LAMC3: variants seen among roughly 807,000 people sequenced by gnomAD.
The protein encoded by LAMC3 is laminin subunit gamma-3.
Under a neutral mutation model 173.8 loss-of-function variants are expected in LAMC3, and 128 were observed. The ratio of observed to expected loss-of-function variants is 0.74; its 90% CI spans 0.64 to 0.85. LAMC3 has a LOEUF of 0.85. LAMC3 is among the 40% of genes least tolerant of loss of function. The pLI is 0.00. For missense variants in LAMC3, 2,022 were observed against 2,156.0 expected, an observed-to-expected ratio of 0.94 and a Z score of 1.23; for synonymous variants, 897 against 909.1, an observed-to-expected ratio of 0.99 and a Z score of 0.24.
rs746046978 is a variant in LAMC3, at chr9:131,077,252, C to T, written c.3695C>T (p.Ala1232Val). Residue 1232 changes from alanine to valine, a missense_variant, in exon 22 of 28, where the codon GCG (alanine) becomes GTG (valine). Transcript: ENST00000361069. ...GCTGTGGCAGAGGTGCTGCCTGAAG[C>T]GGAAAGCGTGTTGGCCACCGTGCAG... ...RTAVAEVLPE[A>V]ESVLATVQQV... is the part of the protein sequence containing the mutation. The T allele has an allele frequency of 1.2e-5, 19 of 1,613,952 alleles. No individual in the cohort carries two copies. Among genetic ancestry groups the T allele is most frequent in the Admixed American group, 6.7e-5 (4 of 60,018 alleles).
At chr9:131,085,423 C>T (rs368839282) in intron 24 of LAMC3, 101 bp from the exon 25 acceptor site, 819 of 1,197,090 alleles carry the variant, frequency 6.8e-4, no homozygotes, top group Middle Eastern at 1.3e-3. Flanking sequence ...ACTCGTTGTC[C>T]AAGGGTCTGT....
intron 1 of LAMC3, among the ~76,000 whole-genome samples, chr9:131,011,653 G>A (rs1176427661): frequency 5.4e-5 from 7 of 130,656 alleles, no homozygotes; most frequent in Admixed American, 2.5e-4. Flanking sequence ...AGGGGGAGGG[G>A]ACAGGAAGCC....
At position 131,073,327 on chromosome 9, in the gene LAMC3, T is replaced by A. The variant is rs780336854; in HGVS notation, c.3494+6T>A. ...GCCCGTGCCCTCGCCAGGAGGTGAG[T>A]CCCAAGACATGGTGAGCTTACACCT... is the stretch of plus-strand genomic sequence containing the variant. On this transcript the variant is annotated splice_donor_region_variant and intron_variant, in intron 20 of 27. Coordinates refer to ENST00000361069, the MANE Select transcript of LAMC3 (RefSeq NM_006059.4). 5 of 1,611,044 alleles carry A rather than the reference T, an allele frequency of 3.1e-6. No individual in the cohort carries two copies. The Admixed American group carries it at 8.3e-5, about 27-fold the overall frequency.
intron 17 of LAMC3, 106 bp from the exon 18 acceptor site, chr9:131,071,378 A>C: frequency 7.4e-7 from 1 of 1,353,162 alleles, no homozygotes. Context: ...GAGGATTTGG[A>C]GAAGGGAACC....
chr9:131,035,855 A>G (rs1833933900), intron 3 of LAMC3, among the ~76,000 whole-genome samples: 1 of 152,160 alleles, frequency 6.6e-6, no homozygotes. Flanking sequence ...CCTCCCAGGC[A>G]GAAGCTTTCT....
intron 14 of LAMC3, 27 bp downstream of exon 14, chr9:131,067,232 G>A (rs1278524835): frequency 2.5e-6 from 4 of 1,611,454 alleles, no homozygotes; most frequent in Non-Finnish European, 3.4e-6. Context: ...AGACCCCAGG[G>A]TGGCACATGG....
At chr9:131,070,343 T>G (rs1830018769) in intron 17 of LAMC3, among the ~76,000 whole-genome samples, 1 of 152,224 alleles carries the variant, frequency 6.6e-6, no homozygotes, top group South Asian at 2.1e-4. Context: ...CTGGAGATAG[T>G]TCAGGCCTGC....
intron 12 of LAMC3, among the ~76,000 whole-genome samples, chr9:131,059,816 A>G (rs1390984799): frequency 6.6e-6 from 1 of 152,168 alleles, no homozygotes; most frequent in Non-Finnish European, 1.5e-5. Context: ...CTAGGCTGAG[A>G]GGAGGAATGA....
intron 13 of LAMC3, among the ~76,000 whole-genome samples, chr9:131,062,059 A>AT (rs1016961135): frequency 3.3e-5 from 5 of 151,310 alleles, no homozygotes; most frequent in African/African-American, 9.7e-5. Flanking sequence ...TCCAAAAAAA[A>AT]TTTTTTTTTA....
At chr9:131,010,683 C>T (rs1833398735) in intron 1 of LAMC3, among the ~76,000 whole-genome samples, 1 of 152,236 alleles carries the variant, frequency 6.6e-6, no homozygotes, top group South Asian at 2.1e-4. Context: ...CAAAGTTTAA[C>T]CCTCTGGGGA....
chr9:131,040,261 T>C (rs143563420), intron 6 of LAMC3, among the ~76,000 whole-genome samples: 25 of 151,964 alleles, frequency 1.6e-4, no homozygotes, highest in Middle Eastern at 3.4e-3. Context: ...CACTACAACC[T>C]CCGCCTCCCA....
intron 25 of LAMC3, among the ~76,000 whole-genome samples, 194 bp from the exon 26 acceptor site, chr9:131,087,282 C>T (rs1211663706): frequency 4.6e-5 from 7 of 152,218 alleles, no homozygotes; most frequent in East Asian, 1.9e-4. Flanking sequence ...CCTCCTGAAA[C>T]GGGTGGTATC....
intron 8 of LAMC3, among the ~76,000 whole-genome samples, chr9:131,047,092 G>T (rs535533592): frequency 7.9e-5 from 12 of 151,864 alleles, no homozygotes; most frequent in African/African-American, 2.9e-4. Context: ...GGCCCTTCAG[G>T]GGTGTCATCT....
intron 20 of LAMC3, 120 bp downstream of exon 20, chr9:131,073,441 G>A (rs551671288): frequency 5.3e-5 from 41 of 769,208 alleles, no homozygotes; most frequent in Non-Finnish European, 8.9e-5. Flanking sequence ...AGAGCTGTCT[G>A]ATGGAGGCAG....
At chr9:131,066,347 C>T (rs1829931327) in intron 13 of LAMC3, among the ~76,000 whole-genome samples, 1 of 151,662 alleles carries the variant, frequency 6.6e-6, no homozygotes, top group Non-Finnish European at 1.5e-5. Context: ...AAAAATTAGC[C>T]AAGCATGGTG....
chr9:131,034,366 A>G (rs1833903135), intron 3 of LAMC3, among the ~76,000 whole-genome samples: 1 of 152,196 alleles, frequency 6.6e-6, no homozygotes, highest in African/African-American at 2.4e-5. Flanking sequence ...CTGCCTGCCT[A>G]AACTGGGCCT....
chr9:131,027,286 G>A (rs1833738425), intron 2 of LAMC3, among the ~76,000 whole-genome samples: 1 of 152,222 alleles, frequency 6.6e-6, no homozygotes, highest in Admixed American at 6.5e-5. Context: ...GCCCAGGCCA[G>A]CACCTGAGTG....
rs1833783038 is a variant in LAMC3 at position 131,029,228 on chromosome 9, C to T, written c.678+2639C>T. ...TCTTTGGGCAAGCCGAATCCTTTAT[C>T]ACACAGTACCACATCTCTAGACGTC... is the stretch of plus-strand genomic sequence containing the variant. On this transcript the variant is annotated intron_variant, in intron 2 of 27. Coordinates refer to ENST00000361069, the MANE Select transcript of LAMC3 (RefSeq NM_006059.4). The surrounding 1 kb of genome is among the most constrained non-coding windows in gnomAD (Gnocchi z 4.6). Among the ~76,000 whole-genome samples the T allele has an allele frequency of 6.6e-6, 1 of 152,274 alleles. No individual in the cohort carries two copies. Among genetic ancestry groups the T allele is most frequent in the Non-Finnish European group, 1.5e-5 (1 of 68,056 alleles).
intron 23 of LAMC3, among the ~76,000 whole-genome samples, chr9:131,080,733 G>A (rs1830223734): frequency 6.6e-6 from 1 of 152,012 alleles, no homozygotes; most frequent in East Asian, 1.9e-4. Context: ...CCTCGTCCAG[G>A]GTGAGGTTGC....
Sources: gnomAD v4.1 joint callset for allele counts (sites outside exome capture counted in the v4.1 genomes callset) on GRCh38, gnomAD v4.1.1 for gene constraint, Gnocchi (gnomAD v3.1) non-coding constraint, MANE v1.5 for transcripts, NCBI Gene and HGNC (gene_info 2026-07-23, HGNC 2026-07-21) for gene names.